The following SBK1 variants were observed in gnomAD, a reference collection of about 807,000 sequenced individuals.
SBK1 encodes SH3 domain binding kinase 1.
A neutral mutation model predicts 24.4 loss-of-function variants in SBK1; 11 were observed. The observed-to-expected ratio is 0.45, with a 90% CI of 0.28 to 0.75. SBK1 has a LOEUF of 0.75. SBK1 is among the 30% of genes least tolerant of loss of function. The pLI is 0.12. For synonymous variants in SBK1, 308 were observed against 284.4 expected (o/e 1.08, Z -0.83); for missense variants, 467 against 620.5 (o/e 0.75, Z 2.63).
At chr16:28,292,090 C>G (rs997338815), upstream of SBK1, 1 of 152,044 alleles carries the variant, frequency 6.6e-6, no homozygotes, top group Non-Finnish European at 1.5e-5. Context: ...TGTTTTCCCT[C>G]CTTCAAACAC....
rs114444455 is a variant in SBK1, at chr16:28,269,380, C to T, written c.257+9878C>T. The stretch of plus-strand genomic sequence containing the variant: ...GAGAACCAAGCAGCCACCTCCATGA[C>T]TACTACAGATGGGAAATAGGAAAGA... On this transcript the variant is annotated intron_variant, in intron 1 of 3. Transcript: ENST00000671413. Among the ~76,000 whole-genome samples the T allele has an allele frequency of 8.1e-3, 1,227 of 151,920 alleles. 18 individuals carry two copies. Among genetic ancestry groups the T allele is most frequent in the African/African-American group, 0.025 (1,055 of 41,460 alleles).
chr16:28,277,302 C>T (rs1031087460), intron 1 of SBK1, among the ~76,000 whole-genome samples: 6 of 151,794 alleles, frequency 4.0e-5, no homozygotes, highest in Admixed American at 3.9e-4. Flanking sequence ...TGAAAGCTCC[C>T]CGGAGTTTGA....
In SBK1 at chr16:28,319,317, T is replaced by C; in HGVS notation, c.429+120T>C. 4 of 763,884 alleles carry C rather than the reference T, an allele frequency of 5.2e-6. No homozygotes were observed. The highest frequency in any genetic ancestry group is 8.8e-6 in the Non-Finnish European group (4 of 453,272). The allele number at this position is 763,884 out of a possible 1,614,324, so 47.3% of individuals were successfully genotyped here. ...TTACTGGGTGCCTGCTGTATGTCAGTTACCATTTGGGGAGGTGGGGATGTG... is the reference window on the plus strand; with the variant it reads ...TTACTGGGTGCCTGCTGTATGTCAGCTACCATTTGGGGAGGTGGGGATGTG... On this transcript the variant is annotated intron_variant, in intron 3 of 3. Coordinates refer to ENST00000341901, the MANE Select transcript of SBK1 (RefSeq NM_001024401.3). The surrounding 1 kb of genome is among the most constrained non-coding windows in gnomAD (Gnocchi z 4.0).
In SBK1 at chr16:28,292,892, A is replaced by G; in HGVS notation, c.-416A>G. The G allele has an allele frequency of 1.0e-6, 1 of 979,672 alleles. No individual in the cohort carries two copies. Among genetic ancestry groups the G allele is most frequent in the Non-Finnish European group, 1.2e-6 (1 of 824,990 alleles). The allele number at this position is 979,672 out of a possible 1,614,324, so 60.7% of individuals were successfully genotyped here. A position where few individuals can be genotyped will look rare whatever the true frequency, so the allele number is the denominator to read the frequency against. ...ACAGCAAGCCCCCTACGGCACCGCA[A>G]GGACTCCCCCTCCTCAGTCTGGGCC... On this transcript the variant is annotated 5_prime_UTR_variant, in exon 1 of 4. Coordinates refer to ENST00000341901, the MANE Select transcript of SBK1 (RefSeq NM_001024401.3).
intron 1 of SBK1, among the ~76,000 whole-genome samples, chr16:28,260,735 G>A (rs909833098): frequency 5.9e-5 from 9 of 152,208 alleles, no homozygotes; most frequent in Non-Finnish European, 1.3e-4. Flanking sequence ...GCTGGGGACT[G>A]GAACCTGGCT....
intron 1 of SBK1, among the ~76,000 whole-genome samples, chr16:28,269,382 A>G (rs1167250351): frequency 6.6e-6 from 1 of 152,018 alleles, no homozygotes; most frequent in African/African-American, 2.4e-5. Flanking sequence ...CTCCATGACT[A>G]CTACAGATGG....
chr16:28,318,878 G>A, intron 2 of SBK1, 117 bp from the exon 3 acceptor site: 1 of 782,320 alleles, frequency 1.3e-6, no homozygotes. Flanking sequence ...GTGAGATGAG[G>A]ACAGTCATGC....
chr16:28,273,169 C>G (rs369883056), intron 1 of SBK1, among the ~76,000 whole-genome samples: 1 of 151,964 alleles, frequency 6.6e-6, no homozygotes, highest in South Asian at 2.1e-4. Flanking sequence ...CTTTGAACTC[C>G]CAAAGTGCTG....
intron 1 of SBK1, among the ~76,000 whole-genome samples, chr16:28,284,106 C>G (rs886770239): frequency 6.6e-6 from 1 of 152,320 alleles, no homozygotes; most frequent in East Asian, 1.9e-4. Context: ...GTTGGTAACA[C>G]GACGCTTGTC....
intron 2 of SBK1, among the ~76,000 whole-genome samples, chr16:28,318,003 G>A (rs117356732): frequency 0.036 from 5,514 of 152,188 alleles, 166 homozygotes; most frequent in Non-Finnish European, 0.051. Flanking sequence ...AGTGAGGGTG[G>A]TTCCTCAGGA....
upstream of SBK1, chr16:28,290,371 A>C (rs1223066970): frequency 2.6e-5 from 4 of 152,190 alleles, no homozygotes; most frequent in African/African-American, 9.7e-5. Context: ...ACGGTGGCTC[A>C]TGCCTGTAAT....
At chr16:28,275,222 C>G (rs1170943991) in intron 1 of SBK1, among the ~76,000 whole-genome samples, 1 of 152,012 alleles carries the variant, frequency 6.6e-6, no homozygotes, top group African/African-American at 2.4e-5. Flanking sequence ...CCCAGCTACA[C>G]AGGAGGCTGA....
upstream of SBK1, chr16:28,292,140 G>A (rs535370492): frequency 1.3e-5 from 2 of 152,086 alleles, no homozygotes; most frequent in South Asian, 4.2e-4. Flanking sequence ...GGGACAGTCT[G>A]GGGCAGTCTC....
At chr16:28,293,564 T>C (rs1567675251) in intron 1 of SBK1, among the ~76,000 whole-genome samples, 1 of 151,246 alleles carries the variant, frequency 6.6e-6, no homozygotes, top group Non-Finnish European at 1.5e-5. Context: ...CGTTGTGCCA[T>C]GGAGAGGGGG....
In SBK1 at chr16:28,317,475, T is replaced by G; in HGVS notation, c.84T>G (p.Gly28=). 2 of 1,614,016 alleles carry G rather than the reference T, an allele frequency of 1.2e-6. No individual in the cohort carries two copies. The highest frequency in any genetic ancestry group is 1.7e-6 in the Non-Finnish European group (2 of 1,179,996). ...GGACTGCCCCTGGGCCTGGTGCCGG[T>G]GTGCCCCTTCTCACTGAAGACATGC... is the stretch of plus-strand genomic sequence containing the variant. ...GPGTAPGPGA[G]VPLLTEDMQA... The change falls in exon 2 of 4, where the codon GGT becomes GGG. Residue 28 remains glycine, a synonymous_variant. Transcript: ENST00000341901. This position sits in a 1 kb window ranked among gnomAD's most constrained non-coding sequence, Gnocchi z 4.2.
intron 1 of SBK1, among the ~76,000 whole-genome samples, chr16:28,281,566 G>C (rs2044533471): frequency 6.6e-6 from 1 of 152,168 alleles, no homozygotes; most frequent in African/African-American, 2.4e-5. Flanking sequence ...TGATGGACAG[G>C]CTGGGTGGCA....
At chr16:28,267,939 G>A (rs1366404573) in intron 1 of SBK1, among the ~76,000 whole-genome samples, 1 of 152,128 alleles carries the variant, frequency 6.6e-6, no homozygotes, top group Non-Finnish European at 1.5e-5. Context: ...CTTGAGGCCA[G>A]GAGTTCAAGA....
At chr16:28,263,123 T>C (rs756769789) in intron 1 of SBK1, among the ~76,000 whole-genome samples, 4 of 152,200 alleles carry the variant, frequency 2.6e-5, no homozygotes, top group Admixed American at 6.5e-5. Context: ...CTGGGAAATA[T>C]AGTCCCGTCT....
intron 1 of SBK1, among the ~76,000 whole-genome samples, chr16:28,278,324 AC>A: frequency 6.6e-6 from 1 of 151,510 alleles, no homozygotes; most frequent in Middle Eastern, 3.4e-3. Context: ...CACCTCCCTC[AC>A]CCCACCCCAC....
Sources: allele counts gnomAD v4.1 joint callset (sites outside exome capture counted in the v4.1 genomes callset), GRCh38; gene constraint gnomAD v4.1.1; non-coding constraint Gnocchi (gnomAD v3.1); transcripts MANE v1.5; gene names NCBI Gene and HGNC (gene_info 2026-07-23, HGNC 2026-07-21).